Variants in CRB2 observed in about 807,000 individuals in gnomAD.
CRB2 encodes crumbs cell polarity complex component 2, also known as protein crumbs homolog 2.
In CRB2, 85 loss-of-function variants were observed where a neutral mutation model predicts 110.9. The observed-to-expected ratio is 0.77, with a 90% CI of 0.64 to 0.92. CRB2 has a LOEUF of 0.92. Among genes scored for constraint, CRB2 ranks in the 40% least tolerant of loss-of-function variants. The pLI, the probability that CRB2 is intolerant of heterozygous loss-of-function variation, is 0.00. For missense variants in CRB2, 1,843 were observed against 1,851.3 expected, an observed-to-expected ratio of 1.00 and a Z score of 0.08; for synonymous variants, 907 against 831.0, an observed-to-expected ratio of 1.09 and a Z score of -1.57.
intron 6 of CRB2, chr9:123,368,868 C>G: frequency 7.9e-7 from 1 of 1,266,702 alleles, no homozygotes; most frequent in Non-Finnish European, 1.0e-6. Context: ...CCGCCCACCA[C>G]TCTCAACCTG....
chr9:123,375,262 TG>T lies in CRB2; in HGVS notation c.3557del (p.Gly1186AlafsTer214). 6.2e-7 allele frequency: 1 copy of T among 1,611,906 alleles called. No individual in the cohort carries two copies. Among genetic ancestry groups the T allele is most frequent in the Non-Finnish European group, 8.5e-7 (1 of 1,179,048 alleles). On this transcript the variant is annotated frameshift_variant, in exon 12 of 13. Coordinates refer to ENST00000373631, the MANE Select transcript of CRB2 (RefSeq NM_173689.7). LOFTEE classifies it high-confidence loss of function. ...LPCEANPCLN[G>X]GTCRAAGGVS... The stretch of plus-strand genomic sequence containing the variant: ...CCTGTGAAGCCAACCCCTGCTTGAA[TG>T]GGGGCACCTGCCGGGCAGCTGGAGG...
intron 11 of CRB2, among the ~76,000 whole-genome samples, chr9:123,374,981 G>T (rs944592583): frequency 6.6e-6 from 1 of 152,240 alleles, no homozygotes; most frequent in Non-Finnish European, 1.5e-5. Context: ...TGGCGTCAGC[G>T]TCTGGGGCAC....
chr9:123,356,296 G>A lies in CRB2; in HGVS notation c.36G>A (p.Gln12=). 6.5e-7 allele frequency: 1 copy of A among 1,543,824 alleles called. No homozygotes were observed. The highest frequency in any genetic ancestry group is 8.7e-7 in the Non-Finnish European group (1 of 1,144,874). ...CCAGGCCTGGGACCCCGGACCCCCA[G>A]GCCCTGGCCTCTGTCCTGCTACTGC... The part of the protein sequence containing the change: ...ALARPGTPDP[Q]ALASVLLLLL... Residue 12 remains glutamine (Q), a synonymous_variant, in exon 1 of 13, where the codon CAG becomes CAA. Transcript: ENST00000373631.
rs565855644 is a variant in CRB2, at chr9:123,363,233, G to T, written c.418+45G>T. On this transcript the variant is annotated intron_variant, in intron 2 of 12. Transcript: ENST00000373631. ...TGGGAGGAGGTCTGTAATGCAGATCGCATCAGCTGCTCAGAGTGTAAGCAT... is the reference window on the plus strand; with the variant it reads ...TGGGAGGAGGTCTGTAATGCAGATCTCATCAGCTGCTCAGAGTGTAAGCAT... 4.6e-6 allele frequency: 7 copies of T among 1,532,960 alleles called. No homozygotes were observed. The East Asian group carries it at 1.2e-4, about 25-fold the overall frequency. 95.0% of individuals were successfully genotyped at this position (1,532,960 alleles called of 1,614,324 possible).
intron 6 of CRB2, chr9:123,369,046 A>C: frequency 1.1e-6 from 1 of 871,398 alleles, no homozygotes; most frequent in Non-Finnish European, 1.5e-6. Flanking sequence ...TGGGCTTCAA[A>C]CCCTGGTGAC....
Position 123,375,261 on chromosome 9 carries a change from A to T in CRB2, c.3551A>T (p.Asn1184Ile), listed in dbSNP as rs766785382. Residue 1184 changes from asparagine to isoleucine, a missense_variant, in exon 12 of 13, where the codon AAT becomes ATT. Physicochemically the swap from Asn to Ile is moderately radical, Grantham distance 149 (BLOSUM62 -3). Coordinates refer to ENST00000373631, the MANE Select transcript of CRB2 (RefSeq NM_173689.7). ...TLPCEANPCL[N>I]GGTCRAAGGV... The stretch of plus-strand genomic sequence containing the variant: ...CCCTGTGAAGCCAACCCCTGCTTGA[A>T]TGGGGGCACCTGCCGGGCAGCTGGA... 6.2e-7 allele frequency: 1 copy of T among 1,612,034 alleles called. No homozygotes were observed. Among genetic ancestry groups the T allele is most frequent in the Non-Finnish European group, 8.5e-7 (1 of 1,179,142 alleles).
chr9:123,373,354 C>T lies in CRB2; in HGVS notation c.2823C>T (p.Gly941=), dbSNP rs1389043154. ...GGVRGGHGLP[G]AVLPIPGPRV... ...TGCGCGGAGGCCATGGCCTGCCCGG[C>T]GCTGTGCTGCCCATACCGGGGCCGC... Residue 941 remains glycine, a synonymous_variant, in exon 10 of 13, where the codon GGC becomes GGT. Transcript: ENST00000373631. The T allele has an allele frequency of 3.5e-6, 5 of 1,438,112 alleles. No homozygotes were observed. The highest frequency in any genetic ancestry group is 4.5e-6 in the Non-Finnish European group (5 of 1,103,702). The allele number at this position is 1,438,112 out of a possible 1,614,324, so 89.1% of individuals were successfully genotyped here.
intron 12 of CRB2, 40 bp downstream of exon 12, chr9:123,375,383 GCTGGGCCC>G: frequency 6.5e-7 from 1 of 1,539,540 alleles, no homozygotes. Flanking sequence ...GACGTGGCCT[GCTGGGCCC>G]TTGGCGAGAT....
At chr9:123,373,979 G>A in intron 10 of CRB2, 59 bp downstream of exon 10, 1 of 1,547,604 alleles carries the variant, frequency 6.5e-7, no homozygotes, top group Non-Finnish European at 8.7e-7. Flanking sequence ...TGGTGGGGCA[G>A]AGAAGTCTGC....
At chr9:123,380,134 G>GTGTC (rs1292622147), downstream of CRB2, 2 of 152,228 alleles carry the variant, frequency 1.3e-5, no homozygotes, top group African/African-American at 4.8e-5. Context: ...TGGGTAGACT[G>GTGTC]TGTCTGACCC....
At chr9:123,363,224 A>G in intron 2 of CRB2, 36 bp downstream of exon 2, 2 of 1,560,366 alleles carry the variant, frequency 1.3e-6, no homozygotes, top group East Asian at 2.3e-5. Flanking sequence ...GAGGTCTGTA[A>G]TGCAGATCGC....
intron 1 of CRB2, 87 bp downstream of exon 1, chr9:123,356,441 G>A: frequency 8.9e-7 from 1 of 1,119,962 alleles, no homozygotes; most frequent in Non-Finnish European, 1.2e-6. Flanking sequence ...TGGGGTGGTG[G>A]GTGGGCTGGT....
At chr9:123,375,862 C>T (rs936311075) in intron 12 of CRB2, among the ~76,000 whole-genome samples, 13 of 151,998 alleles carry the variant, frequency 8.6e-5, no homozygotes, top group African/African-American at 2.7e-4. Flanking sequence ...AGGCAGCAGG[C>T]GCTGGAGCTG....
chr9:123,376,679 G>A (rs1169719416), intron 12 of CRB2, among the ~76,000 whole-genome samples, 159 bp from the exon 13 acceptor site: 1 of 152,184 alleles, frequency 6.6e-6, no homozygotes, highest in African/African-American at 2.4e-5. Flanking sequence ...GCACTTGCCT[G>A]CATACCCCTG....
chr9:123,373,777 C>A lies in CRB2; in HGVS notation c.3246C>A (p.Cys1082Ter), dbSNP rs748881064. 3 of 1,590,534 alleles carry A rather than the reference C, an allele frequency of 1.9e-6. No homozygotes were observed. Among genetic ancestry groups the A allele is most frequent in the Non-Finnish European group, 2.6e-6 (3 of 1,176,466 alleles). ...TCTTCGACGCCTTTGCCTGCGCCTG[C>A]GGCCCGGGGTGGGAAGGCCCGCGCT... ...RDLFDAFACA[C>*]GPGWEGPRCE... The change falls in exon 10 of 13, where the codon TGC (cysteine) becomes TGA (stop). Residue 1082 changes from cysteine (C) to a stop codon, truncating the protein, a stop_gained. Transcript: ENST00000373631. LOFTEE classifies it high-confidence loss of function.
rs1232798310 is a variant in CRB2, at chr9:123,360,289, C to T, written c.95-2576C>T. On this transcript the variant is annotated intron_variant, in intron 1 of 12. Coordinates refer to ENST00000373631, the MANE Select transcript of CRB2 (RefSeq NM_173689.7). ...AGGGCAGCAGGTCGAAGGGGAGGGGCGGGCGTCGGTTAATCCCTCCCTGCC... is the reference window on the plus strand; with the variant it reads ...AGGGCAGCAGGTCGAAGGGGAGGGGTGGGCGTCGGTTAATCCCTCCCTGCC... Among the ~76,000 whole-genome samples the T allele has an allele frequency of 3.3e-5, 5 of 152,112 alleles. No individual in the cohort carries two copies. In the South Asian group the frequency reaches 6.2e-4, roughly 19 times the overall value.
intron 10 of CRB2, 49 bp from the exon 11 acceptor site, chr9:123,374,530 G>A (rs1461783236): frequency 7.2e-7 from 1 of 1,381,560 alleles, no homozygotes; most frequent in Non-Finnish European, 1.0e-6. Flanking sequence ...GCTGGGGAGG[G>A]CAGGTCCCAG....
intron 4 of CRB2, among the ~76,000 whole-genome samples, chr9:123,366,625 G>A (rs1399541024): frequency 1.3e-5 from 2 of 152,210 alleles, no homozygotes; most frequent in African/African-American, 4.8e-5. Context: ...GGGCCTGACA[G>A]CTGCAAAGGG....
At position 123,370,493 on chromosome 9, in the gene CRB2, C is replaced by T; in HGVS notation, c.1440C>T (p.Thr480=). Residue 480 remains threonine (T), a synonymous_variant, in exon 7 of 13, where the codon ACC becomes ACT. Transcript: ENST00000373631. ...GGACCTTGGCCACTCGCAATGACAC[C>T]AAGGAAAGCTTGGAGCTGGCATTGG... The part of the protein sequence containing the change: ...PAGTLATRND[T]KESLELALVA... 1 of 1,613,476 alleles carries T rather than the reference C, an allele frequency of 6.2e-7. No homozygotes were observed. Among genetic ancestry groups the T allele is most frequent in the South Asian group, 1.1e-5 (1 of 91,088 alleles).
Sources: gnomAD v4.1 joint callset for allele counts (sites outside exome capture counted in the v4.1 genomes callset) on GRCh38, gnomAD v4.1.1 for gene constraint, MANE v1.5 for transcripts, NCBI Gene and HGNC (gene_info 2026-07-23, HGNC 2026-07-21) for gene names.